The following MATK variants were observed in gnomAD, a reference collection of about 807,000 sequenced individuals.
MATK encodes megakaryocyte-associated tyrosine-protein kinase.
MATK carries 41 observed loss-of-function variants against 59.8 expected under a neutral mutation model. The observed-to-expected ratio is 0.69, with a 90% CI of 0.53 to 0.89. The LOEUF is 0.89. Among genes scored for constraint, MATK ranks in the 40% least tolerant of loss-of-function variants. The probability of loss-of-function intolerance (pLI) is 0.00; values close to 1 mark genes in which losing one functional copy is unlikely to be tolerated. For missense variants in MATK, 593 were observed against 719.6 expected (o/e 0.82, Z 2.01); for synonymous variants, 308 against 306.1 (o/e 1.01, Z -0.06).
At chr19:3,796,874 A>G (rs1211954490) in intron 1 of MATK, among the ~76,000 whole-genome samples, 2 of 152,148 alleles carry the variant, frequency 1.3e-5, no homozygotes, top group Admixed American at 6.6e-5. Context: ...TCTTTTGCCC[A>G]ATGTTTTCCA....
At chr19:3,787,048 G>A (rs1010110365), upstream of MATK, among the ~76,000 whole-genome samples, 1 of 152,188 alleles carries the variant, frequency 6.6e-6, no homozygotes, top group Admixed American at 6.5e-5. Context: ...GGTGGACAGG[G>A]CCCTGGCCCC....
rs555624779 is a variant in MATK at position 3,786,004 on chromosome 19, C to T, written c.-152+165G>A. On this transcript the variant is annotated intron_variant, in intron 1 of 13. Coordinates refer to ENST00000310132, the MANE Select transcript of MATK (RefSeq NM_139355.3). The surrounding 1 kb of genome is among the most constrained non-coding windows in gnomAD (Gnocchi z 4.1). ...CGCGGGGTCCGATCGCCTCTGAGCA[C>T]CCTCCGCCCCAGCCGCGCACCCGCT... 5.7e-6 allele frequency: 1 copy of T among 175,026 alleles called. No individual in the cohort carries two copies. The highest frequency in any genetic ancestry group is 1.9e-4 in the South Asian group (1 of 5,250). The allele number at this position is 175,026 out of a possible 1,614,324, so 10.8% of individuals were successfully genotyped here.
intron 1 of MATK, 65 bp from the exon 2 acceptor site, chr19:3,785,351 T>G: frequency 2.3e-4 from 241 of 1,063,480 alleles, no homozygotes; most frequent in Middle Eastern, 3.2e-4. Context: ...CAAGAATCTC[T>G]GACCGTGGGG....
upstream of MATK, chr19:3,786,496 C>G (rs2037487362): frequency 4.3e-6 from 3 of 702,082 alleles, no homozygotes; most frequent in Non-Finnish European, 5.2e-6. This position sits in a 1 kb window ranked among gnomAD's most constrained non-coding sequence, Gnocchi z 4.1. Flanking sequence ...GGGCTCCACG[C>G]CTGGCCCTGA....
chr19:3,794,894 C>T (rs923445384), intron 1 of MATK, among the ~76,000 whole-genome samples: 1 of 151,920 alleles, frequency 6.6e-6, no homozygotes, highest in Non-Finnish European at 1.5e-5. Flanking sequence ...ACACAGAAGC[C>T]AAAGACCGTG....
At chr19:3,789,038 ATCT>A (rs1410604122), upstream of MATK, among the ~76,000 whole-genome samples, 1 of 152,044 alleles carries the variant, frequency 6.6e-6, no homozygotes, top group Middle Eastern at 3.2e-3. Context: ...CTATTAGAAG[ATCT>A]TCTGGGAGGA....
intron 1 of MATK, among the ~76,000 whole-genome samples, chr19:3,794,001 C>A (rs944985427): frequency 1.3e-5 from 2 of 152,188 alleles, no homozygotes; most frequent in Admixed American, 6.5e-5. Flanking sequence ...CCTTGTCTCC[C>A]AAAAGCTCAG....
intron 1 of MATK, among the ~76,000 whole-genome samples, chr19:3,793,773 G>A (rs2037566788): frequency 6.6e-6 from 1 of 152,140 alleles, no homozygotes; most frequent in Non-Finnish European, 1.5e-5. Flanking sequence ...GGAAGCTGAG[G>A]CAGGAGAATC....
chr19:3,779,234 C>A lies in MATK; in HGVS notation c.1002-47G>T. On this transcript the variant is annotated intron_variant, in intron 11 of 13. Coordinates refer to ENST00000310132, the MANE Select transcript of MATK (RefSeq NM_139355.3). ...GGGGGCTCAGGTGCCAGGATGCCCA[C>A]ATTCAGGGCTCAGAAAGCTCGGGGT... 3 of 1,548,846 alleles carry A rather than the reference C, an allele frequency of 1.9e-6. No homozygotes were observed. The South Asian group carries it at 3.5e-5, about 18-fold the overall frequency.
intron 1 of MATK, among the ~76,000 whole-genome samples, chr19:3,799,463 G>A (rs192346820): frequency 6.6e-6 from 1 of 152,344 alleles, no homozygotes; most frequent in East Asian, 1.9e-4. Context: ...CTCAATGGGA[G>A]AAATAGGGAA....
At chr19:3,799,986 C>CA (rs1448686492) in intron 1 of MATK, among the ~76,000 whole-genome samples, 2 of 142,934 alleles carry the variant, frequency 1.4e-5, no homozygotes, top group Admixed American at 7.0e-5. Flanking sequence ...ACTAAAAATA[C>CA]AAAAAATTAG....
chr19:3,780,822 A>G (rs1205739901), intron 8 of MATK, among the ~76,000 whole-genome samples: 1 of 150,868 alleles, frequency 6.6e-6, no homozygotes, highest in East Asian at 2.0e-4. Flanking sequence ...TGCAGGTTCA[A>G]ATTCCTGGGT....
chr19:3,778,725 G>T, intron 12 of MATK, 130 bp from the exon 13 acceptor site: 1 of 1,042,446 alleles, frequency 9.6e-7, no homozygotes, highest in Non-Finnish European at 1.4e-6. Flanking sequence ...CTCCCCCAAC[G>T]CCGCCCGCAG....
At chr19:3,797,122 A>G (rs115471595) in intron 1 of MATK, among the ~76,000 whole-genome samples, 2,045 of 151,988 alleles carry the variant, frequency 0.013, 44 homozygotes, top group African/African-American at 0.047. Flanking sequence ...TTCTTGAATG[A>G]TATCATTGGT....
intron 8 of MATK, 108 bp from the exon 9 acceptor site, chr19:3,779,905 C>T (rs894066589): frequency 8.3e-6 from 6 of 726,824 alleles, no homozygotes; most frequent in Admixed American, 1.9e-5. Flanking sequence ...AACATTCACA[C>T]AGCTGCGGGT....
At chr19:3,794,416 G>C (rs1208922028) in intron 1 of MATK, among the ~76,000 whole-genome samples, 3 of 152,194 alleles carry the variant, frequency 2.0e-5, no homozygotes, top group Non-Finnish European at 2.9e-5. Context: ...CACTTTGGGA[G>C]GCTGAGGTGG....
chr19:3,783,690 G>C (rs957856100), intron 6 of MATK, 124 bp downstream of exon 6: 3 of 835,660 alleles, frequency 3.6e-6, no homozygotes, highest in Middle Eastern at 3.6e-4. Flanking sequence ...GATGGTGTCT[G>C]CCCAGCTGCT....
chr19:3,785,065 C>CG lies in MATK; in HGVS notation c.70dup (p.Arg24ProfsTer159), dbSNP rs758957623. 2 of 1,613,962 alleles carry CG rather than the reference C, an allele frequency of 1.2e-6. No individual in the cohort carries two copies. Among genetic ancestry groups the CG allele is most frequent in the Non-Finnish European group, 1.7e-6 (2 of 1,179,896 alleles). ...CCCCTGTGGGGAAGTGATCTTTACC[C>CG]GGGGAAGTTCCTCAGCAGAATCACA... On this transcript the variant is annotated frameshift_variant and splice_region_variant, in exon 2 of 14. Transcript: ENST00000310132. LOFTEE classifies it high-confidence loss of function.
chr19:3,786,981 A>AGGGTGGG (rs1555749034), upstream of MATK, among the ~76,000 whole-genome samples: 1 of 151,710 alleles, frequency 6.6e-6, no homozygotes, highest in Non-Finnish European at 1.5e-5. The surrounding 1 kb of genome is among the most constrained non-coding windows in gnomAD (Gnocchi z 4.1). Flanking sequence ...CCCCATATGG[A>AGGGTGGG]GGGTGGGGGC....
Sources: allele counts gnomAD v4.1 joint callset (sites outside exome capture counted in the v4.1 genomes callset), GRCh38; gene constraint gnomAD v4.1.1; non-coding constraint Gnocchi (gnomAD v3.1); transcripts MANE v1.5; gene names NCBI Gene and HGNC (gene_info 2026-07-23, HGNC 2026-07-21).